ZIM2: variants seen among roughly 807,000 people sequenced by gnomAD.
The protein encoded by ZIM2 is zinc finger protein 656.
ZIM2 carries 14 observed loss-of-function variants against 38.6 expected under a neutral mutation model. That is an observed-to-expected ratio of 0.36 (90% CI 0.24 to 0.57). ZIM2 has a LOEUF of 0.57. Ranked by LOEUF, ZIM2 falls within the 20% of genes least tolerant of loss-of-function variation. ZIM2 has a pLI of 0.81. For synonymous variants in ZIM2, 247 were observed against 245.8 expected (o/e 1.00, Z -0.04); for missense variants, 680 against 695.1 (o/e 0.98, Z 0.24).
At position 56,774,791 on chromosome 19, in the gene ZIM2, T is replaced by TCC. The variant is rs2045919330; in HGVS notation, c.1573_1574insGG (p.Tyr525TrpfsTer64). The TCC allele has an allele frequency of 6.2e-7, 1 of 1,614,068 alleles. No homozygotes were observed. Among genetic ancestry groups the TCC allele is most frequent in the Non-Finnish European group, 8.5e-7 (1 of 1,180,040 alleles). Reference sequence around the variant, plus strand: ...ACATTTCCCACATAGCTGACACTGGTAAGGCCTCTCTTGAGTGTGAGTTCT... The same window carrying TCC: ...ACATTTCCCACATAGCTGACACTGGTCCAAGGCCTCTCTTGAGTGTGAGTTCT... On this transcript the variant is annotated frameshift_variant, in exon 13 of 13. Transcript: ENST00000629319. LOFTEE classifies it low-confidence loss of function (END_TRUNC).
intron 1 of ZIM2, among the ~76,000 whole-genome samples, chr19:56,837,523 G>A (rs1187828032): frequency 6.6e-6 from 1 of 152,230 alleles, no homozygotes; most frequent in Non-Finnish European, 1.5e-5. Flanking sequence ...ACTGACCCAA[G>A]GCTGCACAGC....
At position 56,806,471 on chromosome 19, in the gene ZIM2, C is replaced by A. The variant is rs549325877; in HGVS notation, c.490+11275G>T. Among the ~76,000 whole-genome samples the A allele has an allele frequency of 2.6e-5, 4 of 152,272 alleles. No homozygotes were observed. In the East Asian group the frequency reaches 7.7e-4, roughly 29 times the overall value. On this transcript the variant is annotated intron_variant, in intron 9 of 12. Transcript: ENST00000629319. ...GTTGTGACCTGGAAATCACACATAC[C>A]TTTACTGTGCTCATCCCATGGACCA...
intron 2 of ZIM2, among the ~76,000 whole-genome samples, chr19:56,828,108 G>C (rs1601148719): frequency 6.6e-6 from 1 of 152,310 alleles, no homozygotes; most frequent in Non-Finnish European, 1.5e-5. Flanking sequence ...TAGAGGTTGT[G>C]CTACTCACAG....
In ZIM2 at chr19:56,821,663, C is replaced by T. The variant is rs745666478; in HGVS notation, c.282G>A (p.Glu94=). Reference sequence around the variant, plus strand: ...AACCTGAGCATACCTGAGATCGGGACTCATAAGCCCTGGAGTCCCTGTCGT... The same window carrying T: ...AACCTGAGCATACCTGAGATCGGGATTCATAAGCCCTGGAGTCCCTGTCGT... ...REDDRDSRAY[E]SRSQDAESYQ... The change falls in exon 7 of 13, where the codon GAG becomes GAA. Residue 94 remains glutamate (E), a synonymous_variant. Coordinates refer to ENST00000629319, the MANE Select transcript of ZIM2 (RefSeq NM_001387356.1). 9 of 1,613,950 alleles carry T rather than the reference C, an allele frequency of 5.6e-6. No homozygotes were observed. The highest frequency in any genetic ancestry group is 7.6e-6 in the Non-Finnish European group (9 of 1,180,000).
At chr19:56,792,163 C>G (rs911421991) in intron 9 of ZIM2, among the ~76,000 whole-genome samples, 1 of 151,834 alleles carries the variant, frequency 6.6e-6, no homozygotes, top group Admixed American at 6.6e-5. Context: ...AAGCCAAACC[C>G]ACATAGGCAT....
intron 9 of ZIM2, among the ~76,000 whole-genome samples, chr19:56,790,258 T>G (rs1401358839): frequency 6.6e-6 from 1 of 152,328 alleles, no homozygotes; most frequent in South Asian, 2.1e-4. Flanking sequence ...AGAACCTCTG[T>G]TTCTCAACTG....
At chr19:56,821,354 C>T (rs1040779295) in intron 7 of ZIM2, among the ~76,000 whole-genome samples, 3 of 152,182 alleles carry the variant, frequency 2.0e-5, no homozygotes, top group African/African-American at 7.2e-5. Flanking sequence ...GAAACATCTC[C>T]AGAGTCACTC....
chr19:56,817,421 A>G, intron 9 of ZIM2: 1 of 1,614,038 alleles, frequency 6.2e-7, no homozygotes, highest in Non-Finnish European at 8.5e-7. Context: ...ATTCTGGGGA[A>G]TCTCTGTGAC....
chr19:56,779,593 G>T (rs542472945), intron 11 of ZIM2, 121 bp from the exon 12 acceptor site: 2 of 914,538 alleles, frequency 2.2e-6, no homozygotes, highest in Admixed American at 4.5e-5. Flanking sequence ...CCTGTTTCCA[G>T]CCTACAGAGA....
chr19:56,822,954 T>C, intron 5 of ZIM2, 118 bp from the exon 6 acceptor site: 1 of 1,360,740 alleles, frequency 7.3e-7, no homozygotes, highest in Non-Finnish European at 1.0e-6. Context: ...AGGAGATGGA[T>C]CCAAAACAGA....
chr19:56,788,614 A>G (rs1014422346), intron 10 of ZIM2, among the ~76,000 whole-genome samples: 1 of 151,980 alleles, frequency 6.6e-6, no homozygotes, highest in Non-Finnish European at 1.5e-5. Flanking sequence ...GAATCTGATG[A>G]TTATATGTGT....
chr19:56,816,123 T>A lies in ZIM2; in HGVS notation c.490+1623A>T, dbSNP rs544059507. 2.5e-6 allele frequency: 4 copies of A among 1,613,268 alleles called. No homozygotes were observed. In the African/African-American group the frequency reaches 4.0e-5, roughly 16 times the overall value. ...AGCTATGAATAACAGACCTCTCATA[T>A]GATTTTGCCTCATAGACATTTTCCT... On this transcript the variant is annotated intron_variant, in intron 9 of 12. Transcript: ENST00000629319.
At chr19:56,835,895 G>C (rs377276221) in intron 2 of ZIM2, 123 bp downstream of exon 2, 7 of 397,958 alleles carry the variant, frequency 1.8e-5, no homozygotes, top group African/African-American at 1.4e-4. Flanking sequence ...TGTTCTCAGA[G>C]GGCACAAATG....
chr19:56,823,777 A>G, intron 4 of ZIM2, 98 bp from the exon 5 acceptor site: 2 of 1,347,992 alleles, frequency 1.5e-6, no homozygotes, highest in Non-Finnish European at 2.1e-6. Context: ...ACAGACACAC[A>G]TGGTTGGAAT....
chr19:56,810,368 C>A (rs959379065), intron 9 of ZIM2: 1 of 985,222 alleles, frequency 1.0e-6, no homozygotes, highest in African/African-American at 1.7e-5. Flanking sequence ...AACAAAATAA[C>A]CATAATCCCA....
At chr19:56,820,959 T>A (rs1312966432) in intron 7 of ZIM2, among the ~76,000 whole-genome samples, 1 of 152,210 alleles carries the variant, frequency 6.6e-6, no homozygotes, top group Non-Finnish European at 1.5e-5. Flanking sequence ...CACTCCACCA[T>A]GTATAAGTGA....
chr19:56,779,306 T>C, intron 12 of ZIM2, 71 bp downstream of exon 12: 1 of 1,544,986 alleles, frequency 6.5e-7, no homozygotes, highest in Non-Finnish European at 8.9e-7. Context: ...CAGGGGACTT[T>C]GAGGAAAGCT....
chr19:56,804,737 T>C (rs1265951069), intron 9 of ZIM2, among the ~76,000 whole-genome samples: 3 of 152,232 alleles, frequency 2.0e-5, no homozygotes, highest in African/African-American at 7.2e-5. Context: ...AAATTTCCAA[T>C]CAGTTATGTT....
chr19:56,812,260 G>C, intron 9 of ZIM2: 10 of 972,300 alleles, frequency 1.0e-5, no homozygotes, highest in Non-Finnish European at 1.2e-5. Context: ...ACCTCAAGCT[G>C]TGAGGTCAAT....
Sources: allele counts gnomAD v4.1 joint callset (sites outside exome capture counted in the v4.1 genomes callset), GRCh38; gene constraint gnomAD v4.1.1; transcripts MANE v1.5; gene names NCBI Gene and HGNC (gene_info 2026-07-23, HGNC 2026-07-21).